The following PPP4R2 variants were observed in gnomAD, a reference collection of about 807,000 sequenced individuals.
PPP4R2 encodes protein phosphatase 4 regulatory subunit 2, also known as serine/threonine-protein phosphatase 4 regulatory subunit 2.
PPP4R2 carries 13 observed loss-of-function variants against 47.2 expected under a neutral mutation model. The observed-to-expected ratio is 0.28, with a 90% CI of 0.18 to 0.44. The LOEUF is 0.44. PPP4R2 is among the 20% of genes least tolerant of loss of function. The pLI, the probability that PPP4R2 is intolerant of heterozygous loss-of-function variation, is 1.00. For missense variants in PPP4R2, 421 were observed against 491.2 expected (o/e 0.86, Z 1.35); for synonymous variants, 151 against 163.3 (o/e 0.92, Z 0.57).
intron 4 of PPP4R2, 60 bp from the exon 5 acceptor site, chr3:73,060,963 A>T: frequency 8.4e-7 from 1 of 1,192,970 alleles, no homozygotes. Context: ...AACAAAAATG[A>T]TGAAACTTTA....
At chr3:73,011,559 A>G (rs559668351) in intron 2 of PPP4R2, among the ~76,000 whole-genome samples, 13 of 152,222 alleles carry the variant, frequency 8.5e-5, no homozygotes, top group African/African-American at 2.4e-4. Flanking sequence ...GAGATTTTTC[A>G]AGTGGCTTAC....
At position 73,065,979 on chromosome 3, in the gene PPP4R2, ATT is replaced by A. The variant is rs35050858; in HGVS notation, c.*271_*272del. The A allele has an allele frequency of 2.0e-3, 364 of 184,054 alleles. No homozygotes were observed. The highest frequency in any genetic ancestry group is 5.2e-3 in the East Asian group (46 of 8,806). The allele number at this position is 184,054 out of a possible 1,614,324, so 11.4% of individuals were successfully genotyped here. A position where few individuals can be genotyped will look rare whatever the true frequency, so the allele number is the denominator to read the frequency against. On this transcript the variant is annotated 3_prime_UTR_variant, in exon 9 of 9. Transcript: ENST00000356692. The stretch of plus-strand genomic sequence containing the variant: ...GGGCAAATCAGTGGTTTGTGTATAG[ATT>A]TTTTTTTTTTTTTAATTTAGGATTG...
At chr3:73,032,577 G>A (rs894467494) in intron 2 of PPP4R2, among the ~76,000 whole-genome samples, 5 of 152,122 alleles carry the variant, frequency 3.3e-5, no homozygotes, top group Non-Finnish European at 4.4e-5. Flanking sequence ...GTGAGCCACC[G>A]TGCCCAGCCT....
Position 72,996,844 on chromosome 3 carries a change from T to TGGGGA in PPP4R2, c.-191_-187dup. ...TGTTGGAGGGTTGGTGGTAGCGGCT[T>TGGGGA]GGGGAGGTGCTCGCTCTGTCGGTCT... On this transcript the variant is annotated 5_prime_UTR_variant, in exon 1 of 9. Transcript: ENST00000356692. 1 of 399,184 alleles carries TGGGGA rather than the reference T, an allele frequency of 2.5e-6. No homozygotes were observed. Among genetic ancestry groups the TGGGGA allele is most frequent in the Non-Finnish European group, 4.5e-6 (1 of 223,782 alleles). The allele number at this position is 399,184 out of a possible 1,614,324, so 24.7% of individuals were successfully genotyped here.
intron 2 of PPP4R2, among the ~76,000 whole-genome samples, chr3:73,017,698 T>A (rs146567431): frequency 1.1e-4 from 17 of 152,242 alleles, no homozygotes; most frequent in African/African-American, 4.1e-4. Flanking sequence ...TGGAAGAAGC[T>A]GGAAGTGTGG....
At position 72,996,921 on chromosome 3, in the gene PPP4R2, C is replaced by A; in HGVS notation, c.-117C>A. 1 of 713,620 alleles carries A rather than the reference C, an allele frequency of 1.4e-6. No individual in the cohort carries two copies. The highest frequency in any genetic ancestry group is 5.7e-5 in the South Asian group (1 of 17,566). The allele number at this position is 713,620 out of a possible 1,614,324, so 44.2% of individuals were successfully genotyped here. ...CCCTTCGTTTCCCCCCCCCGGTCGC[C>A]TGCGTGCCGGAGTGTGTGCGAGGGA... On this transcript the variant is annotated 5_prime_UTR_variant, in exon 1 of 9. In the 5' UTR this introduces an upstream ATG that the reference lacks. Transcript: ENST00000356692.
chr3:73,026,149 T>C (rs910263275), intron 2 of PPP4R2, among the ~76,000 whole-genome samples: 2 of 152,212 alleles, frequency 1.3e-5, no homozygotes, highest in Admixed American at 6.5e-5. Context: ...AAAGTTCTTA[T>C]GAGATTTAAG....
intron 3 of PPP4R2, among the ~76,000 whole-genome samples, chr3:73,050,745 G>A (rs950787818): frequency 2.0e-5 from 3 of 152,042 alleles, no homozygotes; most frequent in Non-Finnish European, 4.4e-5. Context: ...ATTTGAAATG[G>A]CTACATTGTT....
intron 2 of PPP4R2, 109 bp downstream of exon 2, chr3:72,998,267 G>A: frequency 3.0e-6 from 2 of 675,492 alleles, no homozygotes; most frequent in Non-Finnish European, 5.0e-6. Context: ...ATTCTAAATT[G>A]TAGAAGTCCT....
rs771397777 is a variant in PPP4R2, at chr3:73,065,011, C to T, written c.798C>T (p.Ser266=). ...AAACAGCCAGTCAAACGACTTCCAGCGAAATTTCTTCAGTTATGGTAGGAG... is the reference window on the plus strand; with the variant it reads ...AAACAGCCAGTCAAACGACTTCCAGTGAAATTTCTTCAGTTATGGTAGGAG... ...VRETASQTTS[S]EISSVMVGET... is the part of the protein sequence containing the mutation. Residue 266 remains serine, a synonymous_variant, in exon 8 of 9, where the codon AGC becomes AGT. Transcript: ENST00000356692. 5.0e-6 allele frequency: 8 copies of T among 1,613,736 alleles called. No individual in the cohort carries two copies. Among genetic ancestry groups the T allele is most frequent in the South Asian group, 4.4e-5 (4 of 91,058 alleles).
intron 5 of PPP4R2, 44 bp downstream of exon 5, chr3:73,061,104 T>G: frequency 1.1e-6 from 1 of 905,550 alleles, no homozygotes; most frequent in East Asian, 2.9e-5. Flanking sequence ...TTACTATATT[T>G]AATCATTTTA....
chr3:73,015,699 G>C, intron 2 of PPP4R2: 1 of 279,058 alleles, frequency 3.6e-6, no homozygotes, highest in Non-Finnish European at 7.4e-6. Flanking sequence ...GTGCAGTGGC[G>C]CCATCTCGGC....
chr3:73,016,258 A>T (rs1024193985), intron 2 of PPP4R2: 1 of 138,774 alleles, frequency 7.2e-6, no homozygotes, highest in Admixed American at 7.2e-5. Context: ...TTAATTCTAT[A>T]ATATTCTCGT....
intron 2 of PPP4R2, among the ~76,000 whole-genome samples, chr3:73,030,334 A>G (rs1224827018): frequency 6.6e-6 from 1 of 152,194 alleles, no homozygotes; most frequent in Non-Finnish European, 1.5e-5. Flanking sequence ...TGTACATGAC[A>G]GTAGGTAACT....
intron 2 of PPP4R2, among the ~76,000 whole-genome samples, chr3:73,033,452 C>T (rs1047861997): frequency 2.0e-5 from 3 of 152,178 alleles, no homozygotes; most frequent in Non-Finnish European, 2.9e-5. Flanking sequence ...TTCAGCAACT[C>T]TTGTGAGTTC....
chr3:73,022,742 A>C (rs1240075373), intron 2 of PPP4R2, among the ~76,000 whole-genome samples: 2 of 151,124 alleles, frequency 1.3e-5, no homozygotes, highest in Admixed American at 1.3e-4. Flanking sequence ...ATCAATAGCG[A>C]CCTAGAATTG....
chr3:73,061,395 G>T (rs1360091375), intron 5 of PPP4R2: 1 of 163,596 alleles, frequency 6.1e-6, no homozygotes, highest in Non-Finnish European at 1.3e-5. Context: ...CCCATGTTTG[G>T]AATAACTACT....
At chr3:73,055,733 C>A (rs1320545500) in intron 3 of PPP4R2, among the ~76,000 whole-genome samples, 1 of 150,696 alleles carries the variant, frequency 6.6e-6, no homozygotes, top group African/African-American at 2.5e-5. Flanking sequence ...TCAATCTCGA[C>A]TCACTGCAAC....
intron 2 of PPP4R2, among the ~76,000 whole-genome samples, chr3:73,012,807 T>G (rs1701751292): frequency 1.3e-5 from 2 of 152,176 alleles, no homozygotes; most frequent in African/African-American, 4.8e-5. Context: ...CAAAGAGATT[T>G]GTTAACTGGA....
Sources: allele counts gnomAD v4.1 joint callset (sites outside exome capture counted in the v4.1 genomes callset), GRCh38; gene constraint gnomAD v4.1.1; transcripts MANE v1.5; gene names NCBI Gene and HGNC (gene_info 2026-07-23, HGNC 2026-07-21).